PLXDC1: variants seen among roughly 807,000 people sequenced by gnomAD.
PLXDC1 encodes the protein plexin domain-containing protein 1.
PLXDC1 carries 39 observed loss-of-function variants against 61.3 expected under a neutral mutation model. That is an observed-to-expected ratio of 0.64 (90% CI 0.49 to 0.83). PLXDC1 has a LOEUF of 0.83. Ranked by LOEUF, PLXDC1 falls within the 40% of genes least tolerant of loss-of-function variation. PLXDC1 has a pLI of 0.00. For missense variants in PLXDC1, 596 were observed against 666.5 expected (o/e 0.89, Z 1.17); for synonymous variants, 212 against 254.5 (o/e 0.83, Z 1.59).
chr17:39,145,989 G>T (rs2045339308), intron 1 of PLXDC1, among the ~76,000 whole-genome samples: 1 of 151,862 alleles, frequency 6.6e-6, no homozygotes. Context: ...TCTTCTCAGG[G>T]TTAACAAGAA....
chr17:39,084,764 C>T (rs1440492152), intron 8 of PLXDC1, among the ~76,000 whole-genome samples: 1 of 152,200 alleles, frequency 6.6e-6, no homozygotes, highest in Non-Finnish European at 1.5e-5. Flanking sequence ...TTAGTGGGAC[C>T]AGGTTGCTGG....
At chr17:39,110,665 C>T (rs1024305706) in intron 2 of PLXDC1, among the ~76,000 whole-genome samples, 4 of 152,174 alleles carry the variant, frequency 2.6e-5, no homozygotes, top group Admixed American at 6.5e-5. Context: ...GCGGTGGTGG[C>T]GGCAGACACA....
chr17:39,132,880 G>T (rs1911610827), intron 2 of PLXDC1, among the ~76,000 whole-genome samples: 1 of 152,182 alleles, frequency 6.6e-6, no homozygotes, highest in Admixed American at 6.5e-5. Context: ...TATGGCCCCA[G>T]AGCAGAGGGT....
chr17:39,147,749 T>C (rs952623893), intron 1 of PLXDC1, among the ~76,000 whole-genome samples: 1 of 152,138 alleles, frequency 6.6e-6, no homozygotes, highest in Non-Finnish European at 1.5e-5. Context: ...GGGGAGAGTC[T>C]GGGATCTGTG....
chr17:39,149,300 C>T (rs2045359511), intron 1 of PLXDC1, among the ~76,000 whole-genome samples: 1 of 152,138 alleles, frequency 6.6e-6, no homozygotes, highest in African/African-American at 2.4e-5. Context: ...AGGTCCTGCT[C>T]CCAGCTGCCC....
intron 7 of PLXDC1, among the ~76,000 whole-genome samples, chr17:39,098,651 G>A (rs898999357): frequency 6.6e-6 from 1 of 152,198 alleles, no homozygotes; most frequent in Admixed American, 6.5e-5. Context: ...GAAGTGCCGG[G>A]GGGAAGAAGA....
chr17:39,069,614 G>T (rs986735948), intron 13 of PLXDC1, among the ~76,000 whole-genome samples: 2 of 152,140 alleles, frequency 1.3e-5, no homozygotes, highest in Non-Finnish European at 2.9e-5. Context: ...ACAAATGGGG[G>T]AACAAAAGCA....
chr17:39,122,910 A>G (rs1414021759), intron 2 of PLXDC1, among the ~76,000 whole-genome samples: 1 of 152,206 alleles, frequency 6.6e-6, no homozygotes, highest in African/African-American at 2.4e-5. Context: ...ATCACATCAA[A>G]GTAAAGCCAC....
chr17:39,144,511 T>C (rs1912033560), intron 1 of PLXDC1, among the ~76,000 whole-genome samples: 1 of 152,200 alleles, frequency 6.6e-6, no homozygotes, highest in Admixed American at 6.5e-5. Context: ...CCCTGTTGCC[T>C]GGGACAGGAC....
At chr17:39,146,146 C>T (rs2045341177) in intron 1 of PLXDC1, among the ~76,000 whole-genome samples, 1 of 151,072 alleles carries the variant, frequency 6.6e-6, no homozygotes, top group Admixed American at 6.6e-5. Context: ...TCTCAGCTCC[C>T]TGCAACCTCC....
At chr17:39,109,869 G>A (rs1244325006) in intron 2 of PLXDC1, among the ~76,000 whole-genome samples, 1 of 152,206 alleles carries the variant, frequency 6.6e-6, no homozygotes, top group Non-Finnish European at 1.5e-5. Flanking sequence ...TGGGCTGGAC[G>A]CGGTGGCTCG....
At chr17:39,104,450 A>T (rs1836171302) in intron 7 of PLXDC1, among the ~76,000 whole-genome samples, 1 of 152,112 alleles carries the variant, frequency 6.6e-6, no homozygotes, top group Admixed American at 6.6e-5. Flanking sequence ...AATAGATTAA[A>T]GGCCCCATTG....
intron 2 of PLXDC1, among the ~76,000 whole-genome samples, chr17:39,116,765 T>C (rs1910980868): frequency 6.6e-6 from 1 of 152,224 alleles, no homozygotes; most frequent in African/African-American, 2.4e-5. Flanking sequence ...ACATGGATGA[T>C]CCTCGTGTCA....
intron 2 of PLXDC1, among the ~76,000 whole-genome samples, chr17:39,118,919 T>A (rs1212853563): frequency 6.6e-6 from 1 of 151,640 alleles, no homozygotes; most frequent in Non-Finnish European, 1.5e-5. Flanking sequence ...ATGAACAGAG[T>A]CTGTGAGAAA....
chr17:39,101,840 A>G (rs944707485), intron 7 of PLXDC1, among the ~76,000 whole-genome samples: 2 of 152,104 alleles, frequency 1.3e-5, no homozygotes, highest in Admixed American at 1.3e-4. Flanking sequence ...CCTCGATATC[A>G]TGCAGTGTTG....
intron 2 of PLXDC1, among the ~76,000 whole-genome samples, chr17:39,128,087 C>CTGTGTATATATATA (rs1304464750): frequency 1.5e-5 from 1 of 67,238 alleles, no homozygotes; most frequent in South Asian, 5.8e-4. Flanking sequence ...CTCTCTCTCT[C>CTGTGTATATATATA]TCTCTATGTG....
intron 2 of PLXDC1, among the ~76,000 whole-genome samples, chr17:39,128,972 T>G (rs1319612853): frequency 6.7e-6 from 1 of 150,194 alleles, no homozygotes; most frequent in Non-Finnish European, 1.5e-5. Context: ...ATTGTGCCAC[T>G]GCACTCCAGT....
chr17:39,088,805 T>C (rs887016930), intron 7 of PLXDC1, among the ~76,000 whole-genome samples: 2 of 151,550 alleles, frequency 1.3e-5, no homozygotes, highest in Non-Finnish European at 2.9e-5. Context: ...AAAAATTAGC[T>C]GGGTGTGGTG....
At chr17:39,131,355 T>G (rs940880111) in intron 2 of PLXDC1, among the ~76,000 whole-genome samples, 2 of 130,500 alleles carry the variant, frequency 1.5e-5, no homozygotes, top group Non-Finnish European at 1.6e-5. Context: ...TCTCTTTTTC[T>G]TTTCTTTTTT....
Sources: gnomAD v4.1 joint callset for allele counts (sites outside exome capture counted in the v4.1 genomes callset) on GRCh38, gnomAD v4.1.1 for gene constraint, MANE v1.5 for transcripts, NCBI Gene and HGNC (gene_info 2026-07-23, HGNC 2026-07-21) for gene names.